IL13RA1: variants seen among roughly 807,000 people sequenced by gnomAD.
IL13RA1 encodes the protein interleukin-13 receptor subunit alpha-1.
Under a neutral mutation model 33.8 loss-of-function variants are expected in IL13RA1, and 14 were observed. The ratio of observed to expected loss-of-function variants is 0.41; its 90% CI spans 0.27 to 0.65. The LOEUF (loss-of-function observed/expected upper bound fraction) is 0.65, where lower values mean the gene tolerates loss of function less well. Ranked by LOEUF, IL13RA1 falls within the 30% of genes least tolerant of loss-of-function variation. The pLI, the probability that IL13RA1 is intolerant of heterozygous loss-of-function variation, is 0.28. For missense variants in IL13RA1, 313 were observed against 327.0 expected (o/e 0.96, Z 0.33); for synonymous variants, 116 against 115.7 (o/e 1.00, Z -0.02).
intron 1 of IL13RA1, among the ~76,000 whole-genome samples, chrX:118,730,062 T>C (rs1351364848): frequency 8.9e-6 from 1 of 112,488 alleles, no homozygotes; most frequent in East Asian, 2.8e-4. Flanking sequence ...CCCAGCACTT[T>C]AGGAGACTGA....
chrX:118,755,976 C>T (rs1443160101), intron 4 of IL13RA1, among the ~76,000 whole-genome samples: 2 of 110,977 alleles, frequency 1.8e-5, no homozygotes, highest in African/African-American at 6.5e-5. Flanking sequence ...TTCCTTTGTG[C>T]AGCCTTTGAA....
At chrX:118,751,495 T>G (rs754218650) in intron 4 of IL13RA1, among the ~76,000 whole-genome samples, 17 of 111,091 alleles carry the variant, frequency 1.5e-4, no homozygotes, top group Non-Finnish European at 2.6e-4. Context: ...TGTGGGAAGT[T>G]AGGTTGGAGC....
chrX:118,728,604 T>C (rs866942445), intron 1 of IL13RA1, among the ~76,000 whole-genome samples: 40 of 112,339 alleles, frequency 3.6e-4, no homozygotes, highest in African/African-American at 1.1e-3. Flanking sequence ...CCAAACTGTA[T>C]AGGTTTTATT....
At chrX:118,758,661 G>A (rs1201476078) in intron 5 of IL13RA1, among the ~76,000 whole-genome samples, 1 of 111,841 alleles carries the variant, frequency 8.9e-6, no homozygotes, top group Non-Finnish European at 1.9e-5. Flanking sequence ...TCTGATGAGT[G>A]CCTTCTTGTT....
chrX:118,768,219 A>T (rs749296552), intron 8 of IL13RA1, among the ~76,000 whole-genome samples: 11 of 112,171 alleles, frequency 9.8e-5, no homozygotes, highest in Non-Finnish European at 1.9e-4. Flanking sequence ...GAAGCTCAAC[A>T]AGTTATGTGC....
chrX:118,796,054 C>G (rs1177124385), downstream of IL13RA1, among the ~76,000 whole-genome samples: 1 of 112,583 alleles, frequency 8.9e-6, no homozygotes, highest in Non-Finnish European at 1.9e-5. Flanking sequence ...TGAAGGTTCT[C>G]TGGCTTTTTA....
intron 1 of IL13RA1, chrX:118,738,245 G>A (rs970689865): frequency 1.8e-5 from 2 of 111,413 alleles, no homozygotes; most frequent in Non-Finnish European, 3.8e-5. Context: ...ATAGATTAAA[G>A]GGTATATGCA....
intron 10 of IL13RA1, among the ~76,000 whole-genome samples, chrX:118,791,078 T>C (rs1344457263): frequency 1.8e-5 from 2 of 111,604 alleles, no homozygotes; most frequent in Non-Finnish European, 3.8e-5. Flanking sequence ...GTATAACAAC[T>C]TTATTTTACA....
chrX:118,749,113 G>T (rs2017442669), intron 3 of IL13RA1, among the ~76,000 whole-genome samples: 1 of 111,752 alleles, frequency 8.9e-6, no homozygotes, highest in East Asian at 2.8e-4. Flanking sequence ...ACAGGGTTTT[G>T]CCGAGTTGGC....
In IL13RA1 at chrX:118,791,979, T is replaced by C. The variant is rs2017980273; in HGVS notation, c.*125T>C. The C allele has an allele frequency of 5.0e-5, 19 of 381,285 alleles. No homozygotes were observed. The highest frequency in any genetic ancestry group is 1.2e-3 in the Middle Eastern group (2 of 1,610). The allele number at this position is 381,285 out of a possible 1,213,427, so 31.4% of individuals were successfully genotyped here. On this transcript the variant is annotated 3_prime_UTR_variant, in exon 11 of 11. Coordinates refer to ENST00000371666, the MANE Select transcript of IL13RA1 (RefSeq NM_001560.3). The stretch of plus-strand genomic sequence containing the variant: ...GCACCATTTAAAAACAGGCAGCTCA[T>C]AAGAGCCACAGGTCTTTATGTTGAG...
At chrX:118,781,783 A>G (rs761027958) in intron 10 of IL13RA1, among the ~76,000 whole-genome samples, 1 of 112,318 alleles carries the variant, frequency 8.9e-6, no homozygotes, top group Non-Finnish European at 1.9e-5. Flanking sequence ...AACTGCCCAA[A>G]TTGTCAGGAG....
At chrX:118,730,038 C>G (rs2017198879) in intron 1 of IL13RA1, among the ~76,000 whole-genome samples, 1 of 112,634 alleles carries the variant, frequency 8.9e-6, no homozygotes, top group Non-Finnish European at 1.9e-5. Flanking sequence ...GGTGCAGTGG[C>G]TCATGCCTGT....
Position 118,749,786 on chromosome X carries a change from T to C in IL13RA1, c.488+8T>C, listed in dbSNP as rs899553053. 8.8e-7 allele frequency: 1 copy of C among 1,133,487 alleles called. No homozygotes were observed. The highest frequency in any genetic ancestry group is 1.8e-5 in the African/African-American group (1 of 56,256). The allele number at this position is 1,133,487 out of a possible 1,213,427, so 93.4% of individuals were successfully genotyped here. On this transcript the variant is annotated splice_region_variant and intron_variant, in intron 4 of 10. Transcript: ENST00000371666. Reference sequence around the variant, plus strand: ...CTATACTCTCTACTATTGGTGAGTATGTACAGTACAATTACTGGAAGACTG... The same window carrying C: ...CTATACTCTCTACTATTGGTGAGTACGTACAGTACAATTACTGGAAGACTG...
In IL13RA1 at chrX:118,741,092, C is replaced by A; in HGVS notation, c.164C>A (p.Pro55His). 8.8e-7 allele frequency: 1 copy of A among 1,135,201 alleles called. No homozygotes were observed. The highest frequency in any genetic ancestry group is 1.2e-6 in the Non-Finnish European group (1 of 825,827). The allele number at this position is 1,135,201 out of a possible 1,213,427, so 93.6% of individuals were successfully genotyped here. ...ACAGTAATATGGACATGGAATCCAC[C>A]CGAGGGAGCCAGCTCAAATTGTAGT... The part of the protein sequence containing the change: ...LCTVIWTWNP[P>H]EGASSNCSLW... The change falls in exon 2 of 11, where the codon CCC (proline) becomes CAC (histidine). Residue 55 changes from proline (P) to histidine (H), a missense_variant. Physicochemically the swap from Pro to His is moderately conservative, Grantham distance 77. Coordinates refer to ENST00000371666, the MANE Select transcript of IL13RA1 (RefSeq NM_001560.3).
intron 4 of IL13RA1, among the ~76,000 whole-genome samples, chrX:118,754,331 A>G (rs1306666647): frequency 1.8e-5 from 2 of 111,533 alleles, no homozygotes; most frequent in Admixed American, 9.5e-5. Context: ...TAAGTGCTCA[A>G]TCCATAATAG....
chrX:118,780,156 G>A (rs747759596), intron 10 of IL13RA1, among the ~76,000 whole-genome samples: 97 of 111,006 alleles, frequency 8.7e-4, no homozygotes, highest in African/African-American at 3.0e-3. Flanking sequence ...TTTTTATGTC[G>A]GCTTTTAACC....
the IL13RA1 span, among the ~76,000 whole-genome samples, chrX:118,802,466 A>C: frequency 1.8e-5 from 2 of 111,864 alleles, no homozygotes; most frequent in South Asian, 3.7e-4. Context: ...TTATGTATCA[A>C]CCCTGGATTC....
At chrX:118,800,321 C>G in the IL13RA1 span, among the ~76,000 whole-genome samples, 2 of 110,559 alleles carry the variant, frequency 1.8e-5, no homozygotes, top group African/African-American at 3.3e-5. Context: ...CTTGCTACTG[C>G]TCACTCTTTG....
At chrX:118,765,367 C>T (rs1351704438) in intron 6 of IL13RA1, among the ~76,000 whole-genome samples, 2 of 110,690 alleles carry the variant, frequency 1.8e-5, no homozygotes, top group Non-Finnish European at 3.8e-5. Flanking sequence ...TCCTCAGCCT[C>T]CCAAAGTGCT....
Sources: allele counts gnomAD v4.1 joint callset (sites outside exome capture counted in the v4.1 genomes callset), GRCh38; gene constraint gnomAD v4.1.1; transcripts MANE v1.5; gene names NCBI Gene and HGNC (gene_info 2026-07-23, HGNC 2026-07-21).